Variants in DYNC2I1 observed in about 807,000 individuals in gnomAD.
DYNC2I1 encodes dynein 2 intermediate chain 1.
Under a neutral mutation model 133.4 loss-of-function variants are expected in DYNC2I1, and 89 were observed. That is an observed-to-expected ratio of 0.67 (90% CI 0.56 to 0.80). The LOEUF (loss-of-function observed/expected upper bound fraction) is 0.80. DYNC2I1 is among the 30% of genes least tolerant of loss of function. DYNC2I1 has a pLI of 0.00. For missense variants in DYNC2I1, 1,291 were observed against 1,314.5 expected, an observed-to-expected ratio of 0.98 and a Z score of 0.28; for synonymous variants, 504 against 484.3, an observed-to-expected ratio of 1.04 and a Z score of -0.54.
At position 158,915,618 on chromosome 7, in the gene DYNC2I1, CGCTGGTTG is replaced by C. The variant is rs1563162550; in HGVS notation, c.1791+1298_1791+1305del. On this transcript the variant is annotated intron_variant, in intron 14 of 24. Transcript: ENST00000407559. ...TAAGGATGATTGTGAAACATCGACA[CGCTGGTTG>C]ACAGGATGATTGTGAAACCTCGACA... Among the ~76,000 whole-genome samples the C allele has an allele frequency of 1.5e-3, 120 of 78,192 alleles. 12 individuals carry two copies. Among genetic ancestry groups the C allele is most frequent in the African/African-American group, 1.6e-3 (27 of 16,698 alleles). The allele number at this position is 78,192 out of a possible 152,430, so 51.3% of individuals were successfully genotyped here.
rs1174728379 is a variant in DYNC2I1, at chr7:158,901,543, C to G, written c.1060-196C>G. The stretch of plus-strand genomic sequence containing the variant: ...CCAAAAAGGATGTTTACTGTTTTCT[C>G]TTTTTGGTCCTACCTGTAAGTTAGC... On this transcript the variant is annotated intron_variant, in intron 8 of 24. Transcript: ENST00000407559. Among the ~76,000 whole-genome samples, 33 of 152,146 alleles carry G rather than the reference C, an allele frequency of 2.2e-4. 1 individual carries two copies. Among genetic ancestry groups the G allele is most frequent in the Admixed American group, 2.2e-3 (33 of 15,272 alleles).
intron 3 of DYNC2I1, among the ~76,000 whole-genome samples, chr7:158,874,128 A>G (rs532962690): frequency 2.0e-5 from 3 of 152,124 alleles, no homozygotes; most frequent in South Asian, 4.2e-4. Flanking sequence ...CTGGTCTTGA[A>G]CTGGTCTCTA....
chr7:158,907,173 A>G (rs1035965018), intron 11 of DYNC2I1, among the ~76,000 whole-genome samples: 1 of 152,020 alleles, frequency 6.6e-6, no homozygotes. Context: ...AGAAAAAAAA[A>G]AAAACTAATA....
downstream of DYNC2I1, among the ~76,000 whole-genome samples, chr7:158,947,097 G>A (rs1851910384): frequency 6.6e-6 from 1 of 152,334 alleles, no homozygotes; most frequent in South Asian, 2.1e-4. Flanking sequence ...TGCTGTGTCA[G>A]TAGAGTCTTA....
chr7:158,947,615 C>T (rs971053473), downstream of DYNC2I1, among the ~76,000 whole-genome samples: 2 of 152,152 alleles, frequency 1.3e-5, no homozygotes, highest in African/African-American at 4.8e-5. Context: ...AGTTATGTGC[C>T]CGGTCACAGT....
rs1851435789 is a variant in DYNC2I1 at position 158,942,118 on chromosome 7, C to T, written c.2972C>T (p.Pro991Leu). The stretch of plus-strand genomic sequence containing the variant: ...GACCTCCTCCAGAGCGATCTGGGTC[C>T]TGTCGCCAAACAGCAGGTCTCCCCC... ...IWDLLQSDLG[P>L]VAKQQVSPNR... is the part of the protein sequence containing the mutation. The change falls in exon 24 of 25, where the codon CCT becomes CTT. Residue 991 changes from proline (P) to leucine (L), a missense_variant. Coordinates refer to ENST00000407559, the MANE Select transcript of DYNC2I1 (RefSeq NM_018051.5). 1.3e-6 allele frequency: 2 copies of T among 1,572,418 alleles called. No homozygotes were observed. The highest frequency in any genetic ancestry group is 1.3e-5 in the African/African-American group (1 of 74,210).
chr7:158,871,588 G>T, intron 3 of DYNC2I1, 26 bp downstream of exon 3: 1 of 1,504,486 alleles, frequency 6.6e-7, no homozygotes, highest in Non-Finnish European at 8.8e-7. Flanking sequence ...CCTTCCTGTG[G>T]TTCCACCCGA....
At chr7:158,852,925 C>G (rs1176590491), upstream of DYNC2I1, among the ~76,000 whole-genome samples, 1 of 152,254 alleles carries the variant, frequency 6.6e-6, no homozygotes, top group African/African-American at 2.4e-5. Flanking sequence ...GTAGCTCAGT[C>G]AGGTTTGTAA....
At chr7:158,914,120 C>G in intron 13 of DYNC2I1, 113 bp from the exon 14 acceptor site, 1 of 784,416 alleles carries the variant, frequency 1.3e-6, no homozygotes. Flanking sequence ...TCTGTCTTTT[C>G]CTTCTGGGAC....
chr7:158,952,768 A>T (rs1852093475), intron 4 of DYNC2I1, among the ~76,000 whole-genome samples: 1 of 151,864 alleles, frequency 6.6e-6, no homozygotes, highest in African/African-American at 2.4e-5. Flanking sequence ...AAGGAGGGTG[A>T]ACCCCCAGCC....
At chr7:158,908,610 A>G (rs1451578711) in intron 11 of DYNC2I1, among the ~76,000 whole-genome samples, 2 of 152,238 alleles carry the variant, frequency 1.3e-5, no homozygotes, top group African/African-American at 4.8e-5. Context: ...AACAAAAACT[A>G]ATTTGGGTAT....
At chr7:158,911,705 T>A in intron 12 of DYNC2I1, 26 bp downstream of exon 12, 1 of 1,586,540 alleles carries the variant, frequency 6.3e-7, no homozygotes, top group Non-Finnish European at 8.6e-7. Context: ...GTTAACTAAG[T>A]GATAAAATGC....
downstream of DYNC2I1, among the ~76,000 whole-genome samples, chr7:158,949,364 C>A (rs1235698535): frequency 6.6e-6 from 1 of 152,250 alleles, no homozygotes; most frequent in East Asian, 1.9e-4. Flanking sequence ...TTTAGCTGAG[C>A]TGATCTGTCC....
rs2788473 is a variant in DYNC2I1, at chr7:158,856,589, T to C, written c.-147T>C. On this transcript the variant is annotated 5_prime_UTR_variant, in exon 1 of 25. Coordinates refer to ENST00000407559, the MANE Select transcript of DYNC2I1 (RefSeq NM_018051.5). ...GGCCGCAGGGCACGCTGGGCAGTGC[T>C]TCTGGGCCCTCTGCTGCTCCTGCTT... 0.35 allele frequency: 290,174 copies of C among 822,394 alleles called. 52,428 individuals carry two copies. Among genetic ancestry groups the C allele is most frequent in the East Asian group, 0.57 (16,689 of 29,500 alleles). The allele number at this position is 822,394 out of a possible 1,614,324, so 50.9% of individuals were successfully genotyped here. A position where few individuals can be genotyped will look rare whatever the true frequency, so the allele number is the denominator to read the frequency against.
intron 4 of DYNC2I1, among the ~76,000 whole-genome samples, chr7:158,952,818 G>T (rs1355636723): frequency 6.8e-6 from 1 of 146,772 alleles, no homozygotes; most frequent in Non-Finnish European, 1.5e-5. Flanking sequence ...GTTGCACAGC[G>T]TGGGCTCAGC....
intron 7 of DYNC2I1, among the ~76,000 whole-genome samples, chr7:158,889,820 A>T (rs1415804612): frequency 1.3e-5 from 2 of 151,784 alleles, no homozygotes; most frequent in South Asian, 2.1e-4. Flanking sequence ...CCTGACCAAC[A>T]TGGTGAAACT....
the DYNC2I1 span, among the ~76,000 whole-genome samples, chr7:158,849,216 A>G: frequency 1.3e-5 from 2 of 152,344 alleles, no homozygotes; most frequent in Admixed American, 6.5e-5. Flanking sequence ...ATAAACATGT[A>G]CAGATTGATA....
rs370128893 is a variant in DYNC2I1 at position 158,918,834 on chromosome 7, C to T, written c.1886C>T (p.Ser629Leu). The change falls in exon 15 of 25, where the codon TCA becomes TTA. Residue 629 changes from serine to leucine, a missense_variant. Ser to Leu is a moderately radical substitution (Grantham distance 145). Transcript: ENST00000407559. The part of the protein sequence containing the change: ...QDRALYFSDS[S>L]SQLNTSLPFL... Reference sequence around the variant, plus strand: ...AGGGCCCTGTATTTTAGTGACAGCTCATCTCAGCTGAACACCAGTCTACCA... The same window carrying T: ...AGGGCCCTGTATTTTAGTGACAGCTTATCTCAGCTGAACACCAGTCTACCA... 1.4e-5 allele frequency: 22 copies of T among 1,613,826 alleles called. No individual in the cohort carries two copies. Among genetic ancestry groups the T allele is most frequent in the Non-Finnish European group, 1.9e-5 (22 of 1,179,794 alleles).
At chr7:158,928,190 A>AT (rs1287677460) in intron 20 of DYNC2I1, among the ~76,000 whole-genome samples, 8 of 152,064 alleles carry the variant, frequency 5.3e-5, no homozygotes, top group African/African-American at 1.9e-4. Context: ...ATGGAGTACG[A>AT]TTTTCAGTTC....
Sources: allele counts gnomAD v4.1 joint callset (sites outside exome capture counted in the v4.1 genomes callset), GRCh38; gene constraint gnomAD v4.1.1; transcripts MANE v1.5; gene names NCBI Gene and HGNC (gene_info 2026-07-23, HGNC 2026-07-21).